Variants in AKAP6 observed in about 807,000 individuals in gnomAD.
The protein encoded by AKAP6 is A-kinase anchoring protein 6.
A neutral mutation model predicts 188.5 loss-of-function variants in AKAP6; 58 were observed. That is an observed-to-expected ratio of 0.31 (90% CI 0.25 to 0.38). The LOEUF (loss-of-function observed/expected upper bound fraction) is 0.38, where lower values mean the gene tolerates loss of function less well. Among genes scored for constraint, AKAP6 ranks in the 10% least tolerant of loss-of-function variants. The pLI is 1.00. For synonymous variants in AKAP6, 989 were observed against 998.6 expected, an observed-to-expected ratio of 0.99 and a Z score of 0.18; for missense variants, 2,710 against 2,740.0, an observed-to-expected ratio of 0.99 and a Z score of 0.24.
At chr14:32,468,897 GT>G (rs1878610581) in intron 2 of AKAP6, among the ~76,000 whole-genome samples, 1 of 151,938 alleles carries the variant, frequency 6.6e-6, no homozygotes, top group African/African-American at 2.4e-5. Flanking sequence ...TAGAGCATCT[GT>G]TTTAAGTGAT....
Position 32,535,679 on chromosome 14 carries a change from C to T in AKAP6, c.450C>T (p.Leu150=). The T allele has an allele frequency of 1.2e-6, 2 of 1,614,252 alleles. No homozygotes were observed. Among genetic ancestry groups the T allele is most frequent in the Admixed American group, 3.3e-5 (2 of 60,032 alleles). The change falls in exon 3 of 14, where the codon CTC becomes CTT. Residue 150 remains leucine (L), a synonymous_variant. Coordinates refer to ENST00000280979, the MANE Select transcript of AKAP6 (RefSeq NM_004274.5). The part of the protein sequence containing the change: ...VIVDIHAVQL[L]WHQLRVSVLV... ...TGGACATCCACGCAGTGCAGCTCCT[C>T]TGGCACCAGCTTCGAGTCTCAGTGC...
At position 32,822,650 on chromosome 14, in the gene AKAP6, C is replaced by T. The variant is rs2034559973; in HGVS notation, c.4837C>T (p.His1613Tyr). The T allele has an allele frequency of 1.2e-6, 2 of 1,613,892 alleles. No individual in the cohort carries two copies. Among genetic ancestry groups the T allele is most frequent in the Non-Finnish European group, 1.7e-6 (2 of 1,179,952 alleles). Residue 1613 changes from histidine (H) to tyrosine (Y), a missense_variant, in exon 13 of 14, where the codon CAC becomes TAC. His to Tyr is a moderately conservative substitution (Grantham distance 83). This residue lies in a region of AKAP6 where 2,473 missense variants were observed against 2,426.1 expected (regional missense o/e 1.02). Transcript: ENST00000280979. ...AAGCAATGAAGATCTCTTTAGCTGT[C>T]ACAGCTCTGGGGATATAAGCGTGAG... ...YKSNEDLFSC[H>Y]SSGDISVSSG...
intron 2 of AKAP6, among the ~76,000 whole-genome samples, chr14:32,440,287 A>G (rs997840039): frequency 6.7e-6 from 1 of 150,320 alleles, no homozygotes; most frequent in African/African-American, 2.5e-5. Context: ...CAATGAGAAC[A>G]CTTGGACACA....
At chr14:32,726,554 A>G (rs1000910569) in intron 9 of AKAP6, among the ~76,000 whole-genome samples, 7 of 152,250 alleles carry the variant, frequency 4.6e-5, no homozygotes, top group African/African-American at 1.7e-4. Context: ...AAACATCTTG[A>G]AGAGATCATT....
chr14:32,791,403 G>A (rs1486622766), intron 12 of AKAP6, among the ~76,000 whole-genome samples: 1 of 152,096 alleles, frequency 6.6e-6, no homozygotes, highest in Non-Finnish European at 1.5e-5. Context: ...TTTGTTGGCT[G>A]CATAAATGTC....
At chr14:32,452,279 C>T (rs117566993) in intron 2 of AKAP6, among the ~76,000 whole-genome samples, 5,443 of 152,126 alleles carry the variant, frequency 0.036, 121 homozygotes, top group East Asian at 0.1. Flanking sequence ...AGCAATCTGC[C>T]GACCTTGGCC....
chr14:32,463,137 C>T (rs1373873638), intron 2 of AKAP6, among the ~76,000 whole-genome samples: 1 of 151,998 alleles, frequency 6.6e-6, no homozygotes, highest in Non-Finnish European at 1.5e-5. Flanking sequence ...CTTAGACTCC[C>T]ACACAGTAAT....
chr14:32,372,375 G>T (rs566534142), intron 1 of AKAP6, among the ~76,000 whole-genome samples: 1 of 151,914 alleles, frequency 6.6e-6, no homozygotes, highest in African/African-American at 2.4e-5. Context: ...TTAGCAGGCC[G>T]AGGAGGGGAT....
intron 11 of AKAP6, among the ~76,000 whole-genome samples, chr14:32,752,893 ATG>A (rs371097497): frequency 0.024 from 3,642 of 151,936 alleles, 132 homozygotes; most frequent in African/African-American, 0.082. Context: ...GCATTTCATT[ATG>A]TGTGTGTGTG....
chr14:32,796,867 C>G (rs1488432579), intron 12 of AKAP6, among the ~76,000 whole-genome samples: 1 of 152,186 alleles, frequency 6.6e-6, no homozygotes. Context: ...AGACAACCTA[C>G]AGAATGGGAG....
At chr14:32,355,742 T>C (rs1887460617) in intron 1 of AKAP6, among the ~76,000 whole-genome samples, 1 of 152,092 alleles carries the variant, frequency 6.6e-6, no homozygotes, top group African/African-American at 2.4e-5. Context: ...AGATTTCTGT[T>C]GGTGATCACA....
chr14:32,551,396 A>G (rs1883455300), intron 4 of AKAP6, among the ~76,000 whole-genome samples: 1 of 151,636 alleles, frequency 6.6e-6, no homozygotes, highest in Non-Finnish European at 1.5e-5. Context: ...ACATGGTGAA[A>G]CCCCATCTCT....
In AKAP6 at chr14:32,532,502, C is replaced by T. The variant is rs372294947; in HGVS notation, c.325-3052C>T. Among the ~76,000 whole-genome samples, 54 of 152,198 alleles carry T rather than the reference C, an allele frequency of 3.5e-4. No individual in the cohort carries two copies. The East Asian group carries it at 7.3e-3, about 21-fold the overall frequency. The stretch of plus-strand genomic sequence containing the variant: ...TTGACCCATGACCTTGTTCTGACTA[C>T]GTTCCTACATCTATTACAAAGGAGC... On this transcript the variant is annotated intron_variant, in intron 2 of 13. Coordinates refer to ENST00000280979, the MANE Select transcript of AKAP6 (RefSeq NM_004274.5).
intron 3 of AKAP6, 35 bp downstream of exon 3, chr14:32,535,840 C>G: frequency 1.3e-6 from 2 of 1,578,906 alleles, no homozygotes; most frequent in Non-Finnish European, 1.7e-6. Flanking sequence ...CAATGCATTT[C>G]CAGGTATGAC....
rs1340971290 is a variant in AKAP6, at chr14:32,835,078, C to T, written c.*5273C>T. On this transcript the variant is annotated 3_prime_UTR_variant, in exon 14 of 14. Transcript: ENST00000280979. ...TTTCCATAGTCTACGGATGCTTTGA[C>T]ACTATACAAAGTTACGTACTTGCAA... 1 of 152,188 alleles carries T rather than the reference C, an allele frequency of 6.6e-6. No individual in the cohort carries two copies. Among genetic ancestry groups the T allele is most frequent in the Non-Finnish European group, 1.5e-5 (1 of 68,032 alleles). 9.4% of individuals were successfully genotyped at this position (152,188 alleles called of 1,614,324 possible). A position where few individuals can be genotyped will look rare whatever the true frequency, so the allele number is the denominator to read the frequency against.
At chr14:32,333,482 A>C (rs1345234058) in intron 1 of AKAP6, among the ~76,000 whole-genome samples, 1 of 152,156 alleles carries the variant, frequency 6.6e-6, no homozygotes, top group African/African-American at 2.4e-5. Flanking sequence ...AAAATGGGTA[A>C]ATTGGTAAAA....
At position 32,612,207 on chromosome 14, in the gene AKAP6, TCG is replaced by T. The variant is rs1419916609; in HGVS notation, c.2730+11416_2730+11417del. On this transcript the variant is annotated intron_variant, in intron 7 of 13. Transcript: ENST00000280979. ...ACAGCCTTGTAAAACACCAGTTTCATCGTGGTTTTGAATTTCTGTTTATATCT... is the reference window on the plus strand; with the variant it reads ...ACAGCCTTGTAAAACACCAGTTTCATTGGTTTTGAATTTCTGTTTATATCT... Among the ~76,000 whole-genome samples, 421 of 152,306 alleles carry T rather than the reference TCG, an allele frequency of 2.8e-3. 2 individuals are homozygous for T. Among genetic ancestry groups the T allele is most frequent in the South Asian group, 0.011 (54 of 4,826 alleles).
intron 7 of AKAP6, among the ~76,000 whole-genome samples, chr14:32,638,897 G>A (rs1887637009): frequency 6.6e-6 from 1 of 151,756 alleles, no homozygotes; most frequent in African/African-American, 2.4e-5. Context: ...TAAAATGAGG[G>A]AATGAATGAT....
Position 32,822,586 on chromosome 14 carries a change from G to A in AKAP6, c.4773G>A (p.Gln1591=). The change falls in exon 13 of 14, where the codon CAG becomes CAA. Residue 1591 remains glutamine, a synonymous_variant. Coordinates refer to ENST00000280979, the MANE Select transcript of AKAP6 (RefSeq NM_004274.5). ...GIFKNGSDSL[Q]RSTSLESWLT... ...TTAAAAATGGCAGTGACAGCCTCCA[G>A]CGAAGCACTTCTTTAGAAAGTTGGT... The A allele has an allele frequency of 6.2e-7, 1 of 1,613,970 alleles. No homozygotes were observed. The highest frequency in any genetic ancestry group is 8.5e-7 in the Non-Finnish European group (1 of 1,179,948).
Sources: gnomAD v4.1 joint callset for allele counts (sites outside exome capture counted in the v4.1 genomes callset) on GRCh38, gnomAD v4.1.1 for gene constraint, gnomAD v4.1.1 regional missense constraint, MANE v1.5 for transcripts, NCBI Gene and HGNC (gene_info 2026-07-23, HGNC 2026-07-21) for gene names.